Variants in DYNC1H1 observed in about 807,000 individuals in gnomAD.
DYNC1H1 encodes cytoplasmic dynein 1 heavy chain 1.
DYNC1H1 carries 51 observed loss-of-function variants against 527.1 expected under a neutral mutation model. That is an observed-to-expected ratio of 0.10 (90% CI 0.08 to 0.12). The LOEUF is 0.12. Ranked by LOEUF, DYNC1H1 falls within the 10% of genes least tolerant of loss-of-function variation. The pLI, the probability that DYNC1H1 is intolerant of heterozygous loss-of-function variation, is 1.00. For missense variants in DYNC1H1, 2,771 were observed against 5,971.8 expected, an observed-to-expected ratio of 0.46 and a Z score of 17.66; for synonymous variants, 2,189 against 2,278.8, an observed-to-expected ratio of 0.96 and a Z score of 1.12.
In DYNC1H1 at chr14:102,019,887, C is replaced by T. The variant is rs1368350839; in HGVS notation, c.8344-6C>T. ...CGTGTACCTTCCATTTTTCTCATTG[C>T]CATAGGAGAGATTCACCCAGGATAC... On this transcript the variant is annotated splice_region_variant and splice_polypyrimidine_tract_variant and intron_variant, in intron 41 of 77. Transcript: ENST00000360184. 4 of 1,614,124 alleles carry T rather than the reference C, an allele frequency of 2.5e-6. No individual in the cohort carries two copies. The highest frequency in any genetic ancestry group is 2.2e-5 in the South Asian group (2 of 91,082).
chr14:101,973,277 A>G (rs1480009772), intron 1 of DYNC1H1, among the ~76,000 whole-genome samples: 2 of 150,480 alleles, frequency 1.3e-5, no homozygotes, highest in Admixed American at 6.6e-5. Context: ...TCTTACCCCA[A>G]CCTCCCAAAT....
At position 101,983,267 on chromosome 14, in the gene DYNC1H1, G is replaced by A; in HGVS notation, c.1210G>A (p.Val404Ile). The A allele has an allele frequency of 6.2e-7, 1 of 1,614,220 alleles. No homozygotes were observed. Among genetic ancestry groups the A allele is most frequent in the Non-Finnish European group, 8.5e-7 (1 of 1,180,050 alleles). Residue 404 changes from valine to isoleucine, a missense_variant, in exon 6 of 78, where the codon GTT (valine) becomes ATT (isoleucine). This residue lies in a region of DYNC1H1 where 264 missense variants were observed against 619.4 expected (regional missense o/e 0.43). Coordinates refer to ENST00000360184, the MANE Select transcript of DYNC1H1 (RefSeq NM_001376.5). The surrounding 1 kb of genome is among the most constrained non-coding windows in gnomAD (Gnocchi z 5.3). ...KVLGTRKLMH[V>I]AYEEFEKVMV... ...ATTGGGCACTAGGAAATTGATGCAT[G>A]TTGCTTATGAAGAATTTGAAAAAGT...
In DYNC1H1 at chr14:102,044,914, C is replaced by A; in HGVS notation, c.13006+216C>A. On this transcript the variant is annotated intron_variant, in intron 72 of 77. Coordinates refer to ENST00000360184, the MANE Select transcript of DYNC1H1 (RefSeq NM_001376.5). The surrounding 1 kb of genome is among the most constrained non-coding windows in gnomAD (Gnocchi z 7.1). ...GAGGGGAGGCAGAGGAAAGAACTGG[C>A]TCTTCTCTGCAGCATCAACTCAGTT... The A allele has an allele frequency of 1.7e-6, 1 of 603,704 alleles. No homozygotes were observed. The highest frequency in any genetic ancestry group is 2.9e-6 in the Non-Finnish European group (1 of 339,690). 37.4% of individuals were successfully genotyped at this position (603,704 alleles called of 1,614,324 possible).
rs545896227 is a variant in DYNC1H1 at position 102,020,866 on chromosome 14, G to C, written c.8507+810G>C. 6.6e-6 allele frequency among the ~76,000 whole-genome samples: 1 copy of C among 152,196 alleles called. No individual in the cohort carries two copies. The highest frequency in any genetic ancestry group is 2.4e-5 in the African/African-American group (1 of 41,452). The stretch of plus-strand genomic sequence containing the variant: ...ACAAGGAGTCTCAGAATACTGCCTA[G>C]TTGTAATCACTGGGTTTCCAACCCG... On this transcript the variant is annotated intron_variant, in intron 42 of 77. Transcript: ENST00000360184. The surrounding 1 kb of genome is among the most constrained non-coding windows in gnomAD (Gnocchi z 4.3).
intron 1 of DYNC1H1, among the ~76,000 whole-genome samples, chr14:101,967,164 G>C (rs534768739): frequency 6.6e-6 from 1 of 152,232 alleles, no homozygotes; most frequent in Admixed American, 6.5e-5. Flanking sequence ...GCTACACTAG[G>C]ACACCTTAGA....
At chr14:102,030,032 TAGAG>T (rs1169583863) in intron 50 of DYNC1H1, 94 bp downstream of exon 50, 1 of 1,605,740 alleles carries the variant, frequency 6.2e-7, no homozygotes, top group Non-Finnish European at 8.5e-7. Flanking sequence ...GTCTTAGGGT[TAGAG>T]AGAGGGAGGG....
chr14:102,002,020 G>A lies in DYNC1H1; in HGVS notation c.4542+339G>A, dbSNP rs987024045. Reference sequence around the variant, plus strand: ...ACTCCTGGGCTTAAGCAGTCCTTCTGCACTGGCCTCCTAAAGTGCCGGGAT... The same window carrying A: ...ACTCCTGGGCTTAAGCAGTCCTTCTACACTGGCCTCCTAAAGTGCCGGGAT... On this transcript the variant is annotated intron_variant, in intron 21 of 77. Transcript: ENST00000360184. The surrounding 1 kb of genome is among the most constrained non-coding windows in gnomAD (Gnocchi z 4.4). 3.3e-5 allele frequency among the ~76,000 whole-genome samples: 5 copies of A among 152,062 alleles called. No homozygotes were observed. Among genetic ancestry groups the A allele is most frequent in the African/African-American group, 1.2e-4 (5 of 41,402 alleles).
intron 43 of DYNC1H1, among the ~76,000 whole-genome samples, chr14:102,024,718 G>C (rs1451047572): frequency 8.1e-6 from 1 of 123,266 alleles, no homozygotes; most frequent in East Asian, 2.6e-4. Context: ...TTTTGGAGAT[G>C]GAGTCTCGCT....
At chr14:102,031,215 A>G (rs925847539) in intron 51 of DYNC1H1, among the ~76,000 whole-genome samples, 4 of 152,192 alleles carry the variant, frequency 2.6e-5, no homozygotes, top group Admixed American at 2.6e-4. Flanking sequence ...TTTAGTGTAT[A>G]GAAGTCATTG....
In DYNC1H1 at chr14:101,983,345, C is replaced by A. The variant is rs191457034; in HGVS notation, c.1234-37C>A. 2.5e-6 allele frequency: 4 copies of A among 1,613,910 alleles called. No individual in the cohort carries two copies. Among genetic ancestry groups the A allele is most frequent in the Middle Eastern group, 3.3e-4 (2 of 6,062 alleles). On this transcript the variant is annotated intron_variant, in intron 6 of 77. Coordinates refer to ENST00000360184, the MANE Select transcript of DYNC1H1 (RefSeq NM_001376.5). This position sits in a 1 kb window ranked among gnomAD's most constrained non-coding sequence, Gnocchi z 5.3. The stretch of plus-strand genomic sequence containing the variant: ...TCAAGACATTGAGATGAAAATATGT[C>A]TTAATAATAAGCCTCACTTTTGAAA...
chr14:101,996,160 C>T (rs1294031538), intron 15 of DYNC1H1, among the ~76,000 whole-genome samples: 1 of 149,378 alleles, frequency 6.7e-6, no homozygotes, highest in African/African-American at 2.5e-5. Flanking sequence ...GATGGAGTCT[C>T]GCTCTGTCAC....
In DYNC1H1 at chr14:102,018,363, C is replaced by T. The variant is rs960257084; in HGVS notation, c.8178-88C>T. On this transcript the variant is annotated intron_variant, in intron 40 of 77. Coordinates refer to ENST00000360184, the MANE Select transcript of DYNC1H1 (RefSeq NM_001376.5). This position sits in a 1 kb window ranked among gnomAD's most constrained non-coding sequence, Gnocchi z 5.2. ...GTTAGGAAGCGACCTCCAGACAGGG[C>T]CCTGGACAGGGCGACTCCACTGGCA... 214 of 1,551,800 alleles carry T rather than the reference C, an allele frequency of 1.4e-4. No homozygotes were observed. The highest frequency in any genetic ancestry group is 1.7e-4 in the Non-Finnish European group (201 of 1,151,472).
intron 1 of DYNC1H1, among the ~76,000 whole-genome samples, chr14:101,972,138 T>C (rs2047746092): frequency 6.6e-6 from 1 of 151,934 alleles, no homozygotes; most frequent in South Asian, 2.1e-4. Flanking sequence ...AGTAAGCTTA[T>C]AAATATAACA....
chr14:102,017,264 G>C lies in DYNC1H1; in HGVS notation c.8025G>C (p.Gly2675=). 2 of 1,614,238 alleles carry C rather than the reference G, an allele frequency of 1.2e-6. No homozygotes were observed. Among genetic ancestry groups the C allele is most frequent in the Non-Finnish European group, 1.7e-6 (2 of 1,180,054 alleles). Residue 2675 remains glycine, a synonymous_variant, in exon 39 of 78, where the codon GGG becomes GGC. Coordinates refer to ENST00000360184, the MANE Select transcript of DYNC1H1 (RefSeq NM_001376.5). This position sits in a 1 kb window ranked among gnomAD's most constrained non-coding sequence, Gnocchi z 4.6. The part of the protein sequence containing the change: ...EINLPDMDKY[G]TQRVISFIRQ... ...ACTTGCCAGATATGGATAAATATGG[G>C]ACCCAGAGGGTCATATCCTTCATCA...
rs1324948272 is a variant in DYNC1H1, at chr14:101,970,470, G to GTTTTTTTTTTTT, written c.257-5240_257-5239insTTTTTTTTTTTT. 1.1e-4 allele frequency among the ~76,000 whole-genome samples: 11 copies of GTTTTTTTTTTTT among 96,308 alleles called. 3 individuals carry two copies. Among genetic ancestry groups the GTTTTTTTTTTTT allele is most frequent in the Middle Eastern group, 6.2e-3 (1 of 162 alleles). 63.2% of individuals were successfully genotyped at this position (96,308 alleles called of 152,430 possible). The stretch of plus-strand genomic sequence containing the variant: ...GTGGTATTAGTATGTTTGGTTTGTT[G>GTTTTTTTTTTTT]TTGTTTTTTTTTTTTTTTTTTTTTT... On this transcript the variant is annotated intron_variant, in intron 1 of 77. Transcript: ENST00000360184.
Position 102,030,049 on chromosome 14 carries a change from G to GGA in DYNC1H1, c.9763-105_9763-104dup, listed in dbSNP as rs550418617. ...CTTAGGGTTAGAGAGAGGGAGGGAG[G>GGA]GAGAGAGAGTGTGTGTGTGTGTGTG... On this transcript the variant is annotated intron_variant, in intron 50 of 77. Transcript: ENST00000360184. 7.7e-6 allele frequency: 12 copies of GGA among 1,553,782 alleles called. No individual in the cohort carries two copies. In the African/African-American group the frequency reaches 2.0e-4, roughly 25 times the overall value.
In DYNC1H1 at chr14:102,017,412, C is replaced by A; in HGVS notation, c.8085C>A (p.Thr2695=). 2.5e-6 allele frequency: 4 copies of A among 1,614,140 alleles called. No individual in the cohort carries two copies. The highest frequency in any genetic ancestry group is 2.5e-6 in the Non-Finnish European group (3 of 1,180,042). Residue 2695 remains threonine, a synonymous_variant, in exon 40 of 78, where the codon ACC becomes ACA. Transcript: ENST00000360184. The surrounding 1 kb of genome is among the most constrained non-coding windows in gnomAD (Gnocchi z 4.6). The part of the protein sequence containing the change: ...QMVEHGGFYR[T]SDQTWVKLER... The stretch of plus-strand genomic sequence containing the variant: ...TGGAGCACGGAGGCTTTTACCGTAC[C>A]TCAGATCAAACATGGGTGAAGCTGG...
rs1280908648 is a variant in DYNC1H1 at position 102,029,642 on chromosome 14, G to A, written c.9572G>A (p.Arg3191Gln). 12 of 1,614,082 alleles carry A rather than the reference G, an allele frequency of 7.4e-6. No individual in the cohort carries two copies. The highest frequency in any genetic ancestry group is 7.6e-6 in the Non-Finnish European group (9 of 1,180,056). ...NHYANLFHEK[R>Q]SELEEQQMHL... ...TATGCCAACCTGTTCCACGAGAAGC[G>A]GAGCGAGCTGGAGGAGCAGCAGATG... is the stretch of plus-strand genomic sequence containing the variant. The change falls in exon 49 of 78, where the codon CGG becomes CAG. Residue 3191 changes from arginine (R) to glutamine (Q), a missense_variant. Coordinates refer to ENST00000360184, the MANE Select transcript of DYNC1H1 (RefSeq NM_001376.5). The surrounding 1 kb of genome is among the most constrained non-coding windows in gnomAD (Gnocchi z 5.3).
At chr14:102,045,632 GTTTC>G (rs1452530493) in intron 72 of DYNC1H1, among the ~76,000 whole-genome samples, 1 of 151,646 alleles carries the variant, frequency 6.6e-6, no homozygotes, top group African/African-American at 2.4e-5. Context: ...AAGAAAATCA[GTTTC>G]TTTTTTTTTT....
Sources: gnomAD v4.1 joint callset for allele counts (sites outside exome capture counted in the v4.1 genomes callset) on GRCh38, gnomAD v4.1.1 for gene constraint, gnomAD v4.1.1 regional missense constraint, Gnocchi (gnomAD v3.1) non-coding constraint, MANE v1.5 for transcripts, NCBI Gene and HGNC (gene_info 2026-07-23, HGNC 2026-07-21) for gene names.